Variants in MICAL2 observed in about 807,000 individuals in gnomAD.
The protein encoded by MICAL2 is [F-actin]-monooxygenase MICAL2.
Under a neutral mutation model 127.3 loss-of-function variants are expected in MICAL2, and 77 were observed. That is an observed-to-expected ratio of 0.60 (90% CI 0.50 to 0.73). MICAL2 has a LOEUF of 0.73. MICAL2 is among the 30% of genes least tolerant of loss of function. MICAL2 has a pLI of 0.00. For missense variants in MICAL2, 1,351 were observed against 1,434.4 expected (o/e 0.94, Z 0.94); for synonymous variants, 570 against 551.1 (o/e 1.03, Z -0.48).
At chr11:12,275,351 G>T (rs1362163759), upstream of MICAL2, among the ~76,000 whole-genome samples, 1 of 152,214 alleles carries the variant, frequency 6.6e-6, no homozygotes, top group African/African-American at 2.4e-5. Flanking sequence ...GGTCATTGTT[G>T]CCTGGGGTTA....
intron 30 of MICAL2, among the ~76,000 whole-genome samples, chr11:12,322,968 A>T (rs1401916309): frequency 2.0e-5 from 3 of 152,160 alleles, no homozygotes; most frequent in Non-Finnish European, 4.4e-5. Context: ...TAAAGAGAGC[A>T]CTGAAGTTCA....
chr11:12,189,929 G>A (rs1387747706), intron 3 of MICAL2, among the ~76,000 whole-genome samples: 2 of 152,262 alleles, frequency 1.3e-5, no homozygotes, highest in African/African-American at 4.8e-5. Flanking sequence ...TTGGCAGGTT[G>A]TGGGCATCTA....
intron 3 of MICAL2, among the ~76,000 whole-genome samples, chr11:12,164,506 G>T (rs1448977630): frequency 6.6e-6 from 1 of 152,168 alleles, no homozygotes; most frequent in Non-Finnish European, 1.5e-5. Flanking sequence ...TAACAGGAAG[G>T]TCCAGACACT....
chr11:12,296,851 G>T (rs903401711), downstream of MICAL2, among the ~76,000 whole-genome samples: 2 of 151,908 alleles, frequency 1.3e-5, no homozygotes, highest in Admixed American at 1.3e-4. Flanking sequence ...TTATTTTGGA[G>T]CTCATTCCAT....
At chr11:12,208,495 A>G (rs1855015061) in intron 5 of MICAL2, 1 of 214,316 alleles carries the variant, frequency 4.7e-6, no homozygotes, top group East Asian at 1.2e-4. Flanking sequence ...TGTTTAACAC[A>G]TAGATGTGGT....
chr11:12,172,546 T>A (rs1229151779), intron 3 of MICAL2, among the ~76,000 whole-genome samples: 1 of 152,162 alleles, frequency 6.6e-6, no homozygotes, highest in African/African-American at 2.4e-5. Flanking sequence ...GTGGGAGACA[T>A]CATGGTTCTC....
intron 32 of MICAL2, chr11:12,349,819 C>T (rs1325655104): frequency 6.2e-7 from 1 of 1,611,268 alleles, no homozygotes; most frequent in African/African-American, 1.3e-5. Context: ...AACCCATTTG[C>T]TGTTGATTTC....
chr11:12,298,455 T>G (rs1864011392), intron 29 of MICAL2, among the ~76,000 whole-genome samples: 1 of 152,158 alleles, frequency 6.6e-6, no homozygotes, highest in African/African-American at 2.4e-5. Flanking sequence ...TACTTTTTGC[T>G]TTTAAATTGT....
At chr11:12,315,265 T>C (rs1250467831) in intron 29 of MICAL2, among the ~76,000 whole-genome samples, 3 of 152,240 alleles carry the variant, frequency 2.0e-5, no homozygotes, top group Non-Finnish European at 4.4e-5. Flanking sequence ...TCTTACAGTA[T>C]GCTTAAATCA....
rs535665063 is a variant in MICAL2, at chr11:12,259,825, C to T, written c.3262C>T (p.Pro1088Ser). ...EEATWQEQEA[P>S]RRDTPTESSC... is the part of the protein sequence containing the mutation. ...GGCAACATGGCAAGAGCAGGAAGCC[C>T]CTCGGAGAGACACTCCCACCGAAAG... Residue 1088 changes from proline to serine, a missense_variant, in exon 26 of 28, where the codon CCT (proline) becomes TCT (serine). Pro to Ser is a moderately conservative substitution (Grantham distance 74). This residue lies in a region of MICAL2 where 752 missense variants were observed against 719.4 expected (regional missense o/e 1.05). Transcript: ENST00000683283. 32 of 1,579,318 alleles carry T rather than the reference C, an allele frequency of 2.0e-5. No homozygotes were observed. Among genetic ancestry groups the T allele is most frequent in the Admixed American group, 5.3e-5 (3 of 57,044 alleles).
chr11:12,279,317 G>A (rs983186688), intron 1 of MICAL2, among the ~76,000 whole-genome samples: 2 of 152,162 alleles, frequency 1.3e-5, no homozygotes, highest in African/African-American at 2.4e-5. Context: ...TGGAGTGAAC[G>A]AGTAGATGTG....
At position 12,149,725 on chromosome 11, in the gene MICAL2, A is replaced by C. The variant is rs553223418; in HGVS notation, c.-78+11265A>C. Reference sequence around the variant, plus strand: ...GAAGGAACAGGTGGGGTTGCAAGGGAAATTGGCCACACGTGAGGTCTCTAT... The same window carrying C: ...GAAGGAACAGGTGGGGTTGCAAGGGCAATTGGCCACACGTGAGGTCTCTAT... On this transcript the variant is annotated intron_variant, in intron 2 of 27. Transcript: ENST00000683283. 5.3e-5 allele frequency among the ~76,000 whole-genome samples: 8 copies of C among 152,266 alleles called. 1 individual carries two copies. In the South Asian group the frequency reaches 1.7e-3, roughly 32 times the overall value.
rs371454866 is a variant in MICAL2 at position 12,223,455 on chromosome 11, C to T, written c.1494C>T (p.Leu498=). Residue 498 remains leucine, a synonymous_variant, in exon 12 of 28, where the codon CTC becomes CTT. Transcript: ENST00000683283. The stretch of plus-strand genomic sequence containing the variant: ...CTAAGGAGCTGGAGCACTACCCTCT[C>T]GAGAGACTGGGCTCGGTGAGGAGAT... ...YITKELEHYP[L]ERLGSVRRSV... is the part of the protein sequence containing the mutation. The T allele has an allele frequency of 1.5e-5, 24 of 1,613,946 alleles. No individual in the cohort carries two copies. Among genetic ancestry groups the T allele is most frequent in the African/African-American group, 5.3e-5 (4 of 74,880 alleles).
intron 1 of MICAL2, among the ~76,000 whole-genome samples, chr11:12,136,031 G>A (rs1590029110): frequency 6.6e-6 from 1 of 152,250 alleles, no homozygotes; most frequent in Non-Finnish European, 1.5e-5. Context: ...GGGTCCCTCA[G>A]GGAAGAGCTT....
At chr11:12,289,564 TTG>T (rs1491025232), downstream of MICAL2, among the ~76,000 whole-genome samples, 1,353 of 38,792 alleles carry the variant, frequency 0.035, 30 homozygotes, top group Non-Finnish European at 0.11. Flanking sequence ...TTGTTTTTTT[TTG>T]TTTTTTTTTT....
At chr11:12,260,381 T>A (rs920146239) in intron 26 of MICAL2, 4 of 1,280,308 alleles carry the variant, frequency 3.1e-6, no homozygotes, top group African/African-American at 3.0e-5. Context: ...ATATGAAGGA[T>A]CTTTTCTATA....
At chr11:12,220,150 G>A (rs758556402) in intron 8 of MICAL2, 51 bp from the exon 9 acceptor site, 71 of 1,606,826 alleles carry the variant, frequency 4.4e-5, no homozygotes, top group Admixed American at 8.4e-5. Context: ...GGGTATGAAG[G>A]CTAGCCCTTT....
chr11:12,239,058 T>C (rs2134447285), intron 16 of MICAL2, among the ~76,000 whole-genome samples: 1 of 152,298 alleles, frequency 6.6e-6, no homozygotes, highest in East Asian at 1.9e-4. Context: ...TTGAAAACCA[T>C]TTTGTTCAAC....
intron 2 of MICAL2, among the ~76,000 whole-genome samples, chr11:12,150,672 G>A (rs1388939640): frequency 6.6e-6 from 1 of 152,218 alleles, no homozygotes; most frequent in East Asian, 1.9e-4. Context: ...ACTAATTACT[G>A]TACTGGCATC....
Sources: allele counts gnomAD v4.1 joint callset (sites outside exome capture counted in the v4.1 genomes callset), GRCh38; gene constraint gnomAD v4.1.1; regional missense constraint gnomAD v4.1.1; transcripts MANE v1.5; gene names NCBI Gene and HGNC (gene_info 2026-07-23, HGNC 2026-07-21).